WASF3: variants seen among roughly 807,000 people sequenced by gnomAD.
WASF3 encodes actin-binding protein WASF3.
Under a neutral mutation model 46.6 loss-of-function variants are expected in WASF3, and 11 were observed. The ratio of observed to expected loss-of-function variants is 0.24; its 90% CI spans 0.15 to 0.39. The LOEUF (loss-of-function observed/expected upper bound fraction) is 0.39. WASF3 is among the 10% of genes least tolerant of loss of function. The pLI is 1.00. For missense variants in WASF3, 576 were observed against 669.8 expected, an observed-to-expected ratio of 0.86 and a Z score of 1.55; for synonymous variants, 242 against 259.7, an observed-to-expected ratio of 0.93 and a Z score of 0.65.
chr13:26,673,314 T>C (rs1882973458), intron 6 of WASF3, among the ~76,000 whole-genome samples: 1 of 152,216 alleles, frequency 6.6e-6, no homozygotes. Context: ...TTTCCTGTGC[T>C]GTTTTGTCTC....
chr13:26,675,520 A>G (rs1264040844), intron 6 of WASF3, among the ~76,000 whole-genome samples: 1 of 130,264 alleles, frequency 7.7e-6, no homozygotes, highest in Non-Finnish European at 1.7e-5. Flanking sequence ...ACACACACAC[A>G]CACGTATATA....
At chr13:26,565,517 A>T (rs550777792) in intron 1 of WASF3, among the ~76,000 whole-genome samples, 2 of 152,246 alleles carry the variant, frequency 1.3e-5, no homozygotes, top group Non-Finnish European at 2.9e-5. Flanking sequence ...CCAGCCCTGT[A>T]GGATTTAAAA....
chr13:26,610,290 T>A (rs1047205826), intron 1 of WASF3, among the ~76,000 whole-genome samples: 3 of 152,238 alleles, frequency 2.0e-5, no homozygotes, highest in Admixed American at 6.5e-5. Context: ...AAGCTGTCCC[T>A]GCCGTTGCCC....
intron 1 of WASF3, among the ~76,000 whole-genome samples, chr13:26,579,341 A>T (rs1028999271): frequency 2.6e-5 from 4 of 152,068 alleles, no homozygotes; most frequent in Admixed American, 1.3e-4. Context: ...TTAACAAATT[A>T]ATTATAGTAA....
At position 26,667,659 on chromosome 13, in the gene WASF3, G is replaced by GAAGT. The variant is rs1347061700; in HGVS notation, c.412_413insAGTA (p.Thr138LysfsTer7). On this transcript the variant is annotated frameshift_variant, in exon 5 of 10. Coordinates refer to ENST00000335327, the MANE Select transcript of WASF3 (RefSeq NM_006646.6). LOFTEE classifies it high-confidence loss of function. The stretch of plus-strand genomic sequence containing the variant: ...ATAAGCCACCGCCTCTGAACATCCT[G>GAAGT]ACACCATACAGGTATAGCTTCATGA... The GAAGT allele has an allele frequency of 6.2e-7, 1 of 1,613,922 alleles. No homozygotes were observed. Among genetic ancestry groups the GAAGT allele is most frequent in the Non-Finnish European group, 8.5e-7 (1 of 1,179,990 alleles).
chr13:26,598,589 G>C, intron 1 of WASF3, among the ~76,000 whole-genome samples: 1 of 152,216 alleles, frequency 6.6e-6, no homozygotes, highest in Admixed American at 6.5e-5. Flanking sequence ...TCTGGGCTTT[G>C]AAGTAGCATT....
chr13:26,604,422 G>C (rs1880732121), intron 1 of WASF3, among the ~76,000 whole-genome samples: 1 of 152,198 alleles, frequency 6.6e-6, no homozygotes, highest in African/African-American at 2.4e-5. Context: ...TGATTAGGGG[G>C]AAAGAGTCAG....
chr13:26,632,554 T>A (rs1265506395), intron 2 of WASF3, among the ~76,000 whole-genome samples: 1 of 152,350 alleles, frequency 6.6e-6, no homozygotes, highest in Middle Eastern at 3.4e-3. Flanking sequence ...CTTTTTGATG[T>A]GCTGCTGGAT....
At position 26,591,957 on chromosome 13, in the gene WASF3, T is replaced by C. The variant is rs146509466; in HGVS notation, c.-108-21004T>C. ...TTAATCCCAGTGCACTCAGCTGTTA[T>C]TTCAGAATGGATGTCTAACTGGAAA... On this transcript the variant is annotated intron_variant, in intron 1 of 9. Coordinates refer to ENST00000335327, the MANE Select transcript of WASF3 (RefSeq NM_006646.6). 9.5e-4 allele frequency among the ~76,000 whole-genome samples: 144 copies of C among 152,164 alleles called. 1 individual carries two copies. The highest frequency in any genetic ancestry group is 3.3e-3 in the African/African-American group (138 of 41,504).
intron 2 of WASF3, among the ~76,000 whole-genome samples, chr13:26,623,901 G>A (rs1475114460): frequency 6.6e-6 from 1 of 152,172 alleles, no homozygotes; most frequent in African/African-American, 2.4e-5. Context: ...CCATGGCTAG[G>A]GGATTTTGAT....
chr13:26,544,785 T>C, the WASF3 span, among the ~76,000 whole-genome samples: 1 of 152,334 alleles, frequency 6.6e-6, no homozygotes, highest in Admixed American at 6.5e-5. Flanking sequence ...ACAAGGTCTC[T>C]TAAAGCTGTC....
chr13:26,552,682 G>A, the WASF3 span, among the ~76,000 whole-genome samples: 10 of 152,136 alleles, frequency 6.6e-5, no homozygotes, highest in African/African-American at 2.4e-4. Context: ...TTTAAAATTT[G>A]ATTTCTTACA....
intron 1 of WASF3, among the ~76,000 whole-genome samples, chr13:26,563,868 G>A (rs545447589): frequency 6.6e-6 from 1 of 151,242 alleles, no homozygotes; most frequent in East Asian, 1.9e-4. Flanking sequence ...TAGGTCTCCT[G>A]GAGCTTCTAG....
At chr13:26,548,989 G>GT in the WASF3 span, among the ~76,000 whole-genome samples, 55,604 of 143,562 alleles carry the variant, frequency 0.39, 10,722 homozygotes, top group South Asian at 0.48. Flanking sequence ...TTCTTTCTTT[G>GT]TTTTTTTTTT....
In WASF3 at chr13:26,635,914, G is replaced by T. The variant is rs545550590; in HGVS notation, c.-10-6347G>T. Among the ~76,000 whole-genome samples, 110 of 152,352 alleles carry T rather than the reference G, an allele frequency of 7.2e-4. 2 individuals carry two copies. The South Asian group carries it at 8.7e-3, about 12-fold the overall frequency. On this transcript the variant is annotated intron_variant, in intron 2 of 9. Transcript: ENST00000335327. ...CCAGAGGGGCATCCGCCTGTATGAG[G>T]TGTCTATCAGCCCCTTCTGGGAGGT...
At position 26,656,365 on chromosome 13, in the gene WASF3, C is replaced by A. The variant is rs1882465583; in HGVS notation, c.134-8663C>A. Reference sequence around the variant, plus strand: ...ACCTAAACTCTCTTTACTTAAAACTCTCTTTACCTAAATTCTCTTTACCTG... The same window carrying A: ...ACCTAAACTCTCTTTACTTAAAACTATCTTTACCTAAATTCTCTTTACCTG... On this transcript the variant is annotated intron_variant, in intron 3 of 9. Coordinates refer to ENST00000335327, the MANE Select transcript of WASF3 (RefSeq NM_006646.6). Among the ~76,000 whole-genome samples the A allele has an allele frequency of 2.0e-5, 3 of 152,276 alleles. No individual in the cohort carries two copies. In the South Asian group the frequency reaches 6.2e-4, roughly 32 times the overall value.
chr13:26,663,092 A>G (rs920425022), intron 3 of WASF3, among the ~76,000 whole-genome samples: 12 of 152,196 alleles, frequency 7.9e-5, no homozygotes, highest in African/African-American at 2.7e-4. Context: ...CGGTGGGTGT[A>G]GAAGGGACAA....
chr13:26,670,387 A>G (rs573275070), intron 5 of WASF3, among the ~76,000 whole-genome samples: 3 of 152,286 alleles, frequency 2.0e-5, no homozygotes, highest in Non-Finnish European at 2.9e-5. Flanking sequence ...TAGGAGAACT[A>G]TGTAATGTAG....
chr13:26,683,963 T>C (rs1253938327), intron 9 of WASF3, among the ~76,000 whole-genome samples: 1 of 152,158 alleles, frequency 6.6e-6, no homozygotes, highest in African/African-American at 2.4e-5. Flanking sequence ...TGTGGGGAGC[T>C]GCACAGACTT....
Sources: gnomAD v4.1 joint callset for allele counts (sites outside exome capture counted in the v4.1 genomes callset) on GRCh38, gnomAD v4.1.1 for gene constraint, MANE v1.5 for transcripts, NCBI Gene and HGNC (gene_info 2026-07-23, HGNC 2026-07-21) for gene names.